SPMAP2L: variants seen among roughly 807,000 people sequenced by gnomAD.
The protein encoded by SPMAP2L is sperm microtubule associated protein 2 like.
the SPMAP2L span, among the ~76,000 whole-genome samples, chr4:56,617,593 T>C: frequency 6.6e-6 from 1 of 151,910 alleles, no homozygotes; most frequent in Non-Finnish European, 1.5e-5. Flanking sequence ...TGTCTAGGGG[T>C]GCCGTTTACA....
At chr4:56,533,846 T>C in the SPMAP2L span, among the ~76,000 whole-genome samples, 1 of 151,444 alleles carries the variant, frequency 6.6e-6, no homozygotes, top group Admixed American at 6.6e-5. Flanking sequence ...CAGTTACTGG[T>C]AGACTGAGGC....
chr4:56,605,834 C>T, the SPMAP2L span, among the ~76,000 whole-genome samples: 1 of 152,162 alleles, frequency 6.6e-6, no homozygotes, highest in African/African-American at 2.4e-5. Flanking sequence ...ACCTTGAGTT[C>T]GTGTCCGGCA....
chr4:56,532,350 A>G, the SPMAP2L span, among the ~76,000 whole-genome samples: 1 of 149,850 alleles, frequency 6.7e-6, no homozygotes, highest in Non-Finnish European at 1.5e-5. Flanking sequence ...CTTTTCTCAT[A>G]TTTCAGGGAA....
the SPMAP2L span, chr4:56,595,274 C>G: frequency 1.9e-6 from 3 of 1,612,744 alleles, no homozygotes; most frequent in Non-Finnish European, 2.5e-6. Flanking sequence ...TTCAAAAAGT[C>G]TGCAAATATT....
chr4:56,541,425 CTA>C, the SPMAP2L span, among the ~76,000 whole-genome samples: 2 of 152,110 alleles, frequency 1.3e-5, no homozygotes, highest in Non-Finnish European at 2.9e-5. Context: ...TTTGACATCA[CTA>C]GAGTCATTTT....
At chr4:56,587,470 C>T in the SPMAP2L span, among the ~76,000 whole-genome samples, 1 of 144,284 alleles carries the variant, frequency 6.9e-6, no homozygotes, top group African/African-American at 2.5e-5. Flanking sequence ...TCACCCCCCT[C>T]CCACTCTTCC....
the SPMAP2L span, among the ~76,000 whole-genome samples, chr4:56,565,623 C>G: frequency 6.6e-6 from 1 of 152,140 alleles, no homozygotes; most frequent in South Asian, 2.1e-4. Flanking sequence ...GTATACAAAC[C>G]TTGTTTCAGG....
At chr4:56,531,671 T>C in the SPMAP2L span, among the ~76,000 whole-genome samples, 3 of 152,204 alleles carry the variant, frequency 2.0e-5, no homozygotes, top group Non-Finnish European at 4.4e-5. Flanking sequence ...TCAAAGAGTA[T>C]GCATCTACAA....
the SPMAP2L span, among the ~76,000 whole-genome samples, chr4:56,558,630 ATACACACAT>A: frequency 6.6e-6 from 1 of 152,072 alleles, no homozygotes; most frequent in Non-Finnish European, 1.5e-5. Context: ...CAGTATATAT[ATACACACAT>A]TACCTCAGCT....
At chr4:56,600,820 C>T in the SPMAP2L span, 1 of 1,068,412 alleles carries the variant, frequency 9.4e-7, no homozygotes, top group Non-Finnish European at 1.3e-6. Flanking sequence ...AGTTACGAGT[C>T]TGTTGCAGTA....
At chr4:56,556,242 A>G in the SPMAP2L span, among the ~76,000 whole-genome samples, 1 of 152,216 alleles carries the variant, frequency 6.6e-6, no homozygotes, top group Non-Finnish European at 1.5e-5. Flanking sequence ...AGAAATAGTG[A>G]TAGCCTATCC....
At chr4:56,617,014 G>A in the SPMAP2L span, among the ~76,000 whole-genome samples, 1 of 152,118 alleles carries the variant, frequency 6.6e-6, no homozygotes, top group African/African-American at 2.4e-5. Flanking sequence ...AAGACCCTGA[G>A]GGGAGCCTGA....
chr4:56,558,619 C>T, the SPMAP2L span, among the ~76,000 whole-genome samples: 3 of 151,676 alleles, frequency 2.0e-5, 1 homozygote, highest in Admixed American at 2.0e-4. Flanking sequence ...GGATGCAAAC[C>T]CAGTATATAT....
the SPMAP2L span, among the ~76,000 whole-genome samples, chr4:56,621,732 C>A: frequency 2.0e-5 from 3 of 152,118 alleles, no homozygotes; most frequent in Admixed American, 2.0e-4. Context: ...GTTAGATATA[C>A]AATGTAAATG....
the SPMAP2L span, among the ~76,000 whole-genome samples, chr4:56,611,668 C>T: frequency 6.6e-6 from 1 of 152,168 alleles, no homozygotes; most frequent in Non-Finnish European, 1.5e-5. Context: ...GCCTCACAAC[C>T]TCTGCAGCAA....
the SPMAP2L span, among the ~76,000 whole-genome samples, chr4:56,555,158 C>G: frequency 1.3e-5 from 2 of 151,968 alleles, no homozygotes; most frequent in Non-Finnish European, 2.9e-5. Flanking sequence ...AGGCTGGTCT[C>G]GAACTCCTGA....
chr4:56,531,783 G>T, the SPMAP2L span, among the ~76,000 whole-genome samples: 7 of 152,180 alleles, frequency 4.6e-5, no homozygotes, highest in Admixed American at 4.6e-4. Flanking sequence ...GCTCATTTAT[G>T]ACCCCTCACT....
the SPMAP2L span, chr4:56,531,172 A>G: frequency 6.6e-7 from 1 of 1,525,564 alleles, no homozygotes. Context: ...CCTGGGTGGT[A>G]GGTGTTCCCC....
At chr4:56,576,270 A>G in the SPMAP2L span, among the ~76,000 whole-genome samples, 3 of 152,204 alleles carry the variant, frequency 2.0e-5, no homozygotes, top group Non-Finnish European at 4.4e-5. Flanking sequence ...GCTCCTGGAA[A>G]CTATGTTATG....
Sources: gnomAD v4.1 joint callset for allele counts (sites outside exome capture counted in the v4.1 genomes callset) on GRCh38, gnomAD v4.1.1 for gene constraint, MANE v1.5 for transcripts, NCBI Gene and HGNC (gene_info 2026-07-23, HGNC 2026-07-21) for gene names.